PCNX2: variants seen among roughly 807,000 people sequenced by gnomAD.
PCNX2 encodes pecanex 2, also known as pecanex-like protein 2.
PCNX2 carries 168 observed loss-of-function variants against 223.8 expected under a neutral mutation model. The observed-to-expected ratio is 0.75, with a 90% CI of 0.66 to 0.85. The LOEUF (loss-of-function observed/expected upper bound fraction) is 0.85, where lower values mean the gene tolerates loss of function less well. Among genes scored for constraint, PCNX2 ranks in the 40% least tolerant of loss-of-function variants. The probability of loss-of-function intolerance (pLI) is 0.00; values close to 1 mark genes in which losing one functional copy is unlikely to be tolerated. For missense variants in PCNX2, 2,507 were observed against 2,675.5 expected (o/e 0.94, Z 1.39); for synonymous variants, 1,006 against 1,052.6 (o/e 0.96, Z 0.86).
intron 25 of PCNX2, among the ~76,000 whole-genome samples, chr1:233,029,783 CT>C (rs1266471873): frequency 2.0e-4 from 30 of 150,684 alleles, no homozygotes; most frequent in African/African-American, 7.4e-4. Flanking sequence ...ACTGTTGGTT[CT>C]CTCTATATAA....
intron 15 of PCNX2, among the ~76,000 whole-genome samples, chr1:233,183,061 T>C (rs959618581): frequency 1.3e-5 from 2 of 152,186 alleles, no homozygotes; most frequent in Non-Finnish European, 2.9e-5. Flanking sequence ...CACTATGTTC[T>C]TTTATTATGT....
intron 8 of PCNX2, among the ~76,000 whole-genome samples, chr1:233,240,758 G>GT (rs1231505441): frequency 2.0e-5 from 3 of 152,210 alleles, no homozygotes; most frequent in Non-Finnish European, 4.4e-5. Context: ...GGCCAGAAGA[G>GT]TGCACTTCTG....
intron 21 of PCNX2, chr1:233,112,709 T>C (rs1460915923): frequency 5.5e-5 from 31 of 567,552 alleles, no homozygotes; most frequent in South Asian, 2.1e-4. Flanking sequence ...GTGTAGATCT[T>C]TGAACAATAT....
At chr1:233,102,745 A>T (rs114759887) in intron 21 of PCNX2, among the ~76,000 whole-genome samples, 3,266 of 152,122 alleles carry the variant, frequency 0.021, 36 homozygotes, top group East Asian at 0.044. Context: ...TTGAGTTCCT[A>T]ATATATTGTC....
chr1:233,263,441 G>A (rs985807032), intron 1 of PCNX2, among the ~76,000 whole-genome samples: 20 of 149,072 alleles, frequency 1.3e-4, no homozygotes, highest in African/African-American at 5.0e-4. Flanking sequence ...TATATTCGAG[G>A]AAACCTCTCC....
chr1:233,288,697 C>T (rs571307916), intron 1 of PCNX2, among the ~76,000 whole-genome samples: 40 of 152,090 alleles, frequency 2.6e-4, no homozygotes, highest in Middle Eastern at 6.8e-3. Flanking sequence ...CAGAGCCATC[C>T]GGAGAAGCAA....
At chr1:233,268,337 TA>T (rs1273070092) in intron 1 of PCNX2, among the ~76,000 whole-genome samples, 1 of 152,136 alleles carries the variant, frequency 6.6e-6, no homozygotes, top group Non-Finnish European at 1.5e-5. Context: ...CCTGGAGAGA[TA>T]AAAAATCTGG....
chr1:233,255,604 T>A (rs1452704631), intron 5 of PCNX2, among the ~76,000 whole-genome samples: 1 of 152,202 alleles, frequency 6.6e-6, no homozygotes, highest in Non-Finnish European at 1.5e-5. Flanking sequence ...TGGTTTTCCA[T>A]AGCCTTGAAT....
Position 233,199,119 on chromosome 1 carries a change from G to A in PCNX2, c.2975-89C>T, listed in dbSNP as rs1424123255. ...ACAGTGAAGAGATGGTTGCACATTCGCATACAAGATGCCTGCTGAAGGGGT... is the reference window on the plus strand; with the variant it reads ...ACAGTGAAGAGATGGTTGCACATTCACATACAAGATGCCTGCTGAAGGGGT... On this transcript the variant is annotated intron_variant, in intron 14 of 33. Transcript: ENST00000258229. 8.2e-6 allele frequency: 10 copies of A among 1,215,128 alleles called. 1 individual carries two copies. The African/African-American group carries it at 9.2e-5, about 11-fold the overall frequency. The allele number at this position is 1,215,128 out of a possible 1,614,324, so 75.3% of individuals were successfully genotyped here.
intron 23 of PCNX2, chr1:233,057,808 C>A: frequency 1.1e-6 from 1 of 920,700 alleles, no homozygotes. Flanking sequence ...CGCAGTGAGC[C>A]GAGATTGCAC....
At chr1:233,270,709 T>G (rs1266040122) in intron 1 of PCNX2, among the ~76,000 whole-genome samples, 1 of 152,228 alleles carries the variant, frequency 6.6e-6, no homozygotes, top group Non-Finnish European at 1.5e-5. Context: ...TGTCTGTTTC[T>G]TATGAAATCT....
chr1:233,075,962 G>C (rs1173454541), intron 23 of PCNX2, among the ~76,000 whole-genome samples: 1 of 152,150 alleles, frequency 6.6e-6, no homozygotes, highest in Non-Finnish European at 1.5e-5. Context: ...GGGGTGAAAA[G>C]TGTTTCTTCT....
intron 32 of PCNX2, among the ~76,000 whole-genome samples, chr1:232,987,991 A>G (rs1669555137): frequency 6.6e-6 from 1 of 152,172 alleles, no homozygotes; most frequent in African/African-American, 2.4e-5. Context: ...AGCCCCTCGC[A>G]TGGGGCCCAC....
At position 233,258,523 on chromosome 1, in the gene PCNX2, C is replaced by T. The variant is rs780819449; in HGVS notation, c.1339G>A (p.Glu447Lys). ...EGGGGGVPCPEGNGSERTPER... is the reference protein window; with the variant it reads ...EGGGGGVPCPKGNGSERTPER... ...GGAGTCCTTTCACTTCCATTGCCTT[C>T]GGGACAGGGAACACCTCCTCCCCCA... The change falls in exon 5 of 34, where the codon GAA becomes AAA. Residue 447 changes from glutamate to lysine, a missense_variant. Physicochemically the swap from Glu to Lys is moderately conservative, Grantham distance 56 (BLOSUM62 1). This residue lies in a region of PCNX2 where 1,031 missense variants were observed against 1,021.7 expected (regional missense o/e 1.01). Coordinates refer to ENST00000258229, the MANE Select transcript of PCNX2 (RefSeq NM_014801.4). The T allele has an allele frequency of 3.2e-5, 51 of 1,613,952 alleles. No homozygotes were observed. Among genetic ancestry groups the T allele is most frequent in the South Asian group, 3.0e-4 (27 of 91,086 alleles).
chr1:233,249,336 C>G (rs1659312839), intron 8 of PCNX2, among the ~76,000 whole-genome samples: 1 of 152,212 alleles, frequency 6.6e-6, no homozygotes, highest in Admixed American at 6.5e-5. Context: ...AGAAAAACTT[C>G]AACTTTTAGC....
At chr1:233,274,493 A>T (rs1660810189) in intron 1 of PCNX2, among the ~76,000 whole-genome samples, 1 of 152,218 alleles carries the variant, frequency 6.6e-6, no homozygotes, top group South Asian at 2.1e-4. Context: ...AAGCATAGAG[A>T]CAAAAGAAAC....
intron 17 of PCNX2, among the ~76,000 whole-genome samples, chr1:233,171,818 T>C (rs1311168321): frequency 6.6e-6 from 1 of 152,196 alleles, no homozygotes; most frequent in Admixed American, 6.5e-5. Context: ...TGATTGGATA[T>C]ATTTTAGATT....
chr1:233,182,542 C>G (rs906782513), intron 15 of PCNX2, among the ~76,000 whole-genome samples: 11 of 152,164 alleles, frequency 7.2e-5, no homozygotes, highest in African/African-American at 2.4e-4. Flanking sequence ...CACTCAGTAT[C>G]TTTCAATGAT....
At chr1:233,045,511 T>C (rs768731538) in intron 25 of PCNX2, among the ~76,000 whole-genome samples, 2 of 152,190 alleles carry the variant, frequency 1.3e-5, no homozygotes, top group Non-Finnish European at 2.9e-5. Flanking sequence ...TGGGGCCTAA[T>C]AGTTACAGCA....
Sources: allele counts gnomAD v4.1 joint callset (sites outside exome capture counted in the v4.1 genomes callset), GRCh38; gene constraint gnomAD v4.1.1; regional missense constraint gnomAD v4.1.1; transcripts MANE v1.5; gene names NCBI Gene and HGNC (gene_info 2026-07-23, HGNC 2026-07-21).